Variants in FBXW10B observed in about 807,000 individuals in gnomAD.
FBXW10B encodes F-box and WD repeat domain containing protein 10B.
the FBXW10B span, among the ~76,000 whole-genome samples, chr17:15,612,467 C>T: frequency 1.3e-4 from 20 of 151,944 alleles, no homozygotes; most frequent in South Asian, 1.5e-3. Context: ...TGAGCCAAGA[C>T]TGTGCCACTG....
the FBXW10B span, chr17:15,598,448 T>A: frequency 3.7e-6 from 6 of 1,609,500 alleles, no homozygotes; most frequent in East Asian, 1.4e-4. Flanking sequence ...AGTGCCTGCC[T>A]ATAGAAATGA....
At chr17:15,582,497 T>C in the FBXW10B span, among the ~76,000 whole-genome samples, 1 of 152,114 alleles carries the variant, frequency 6.6e-6, no homozygotes, top group Non-Finnish European at 1.5e-5. Context: ...ATATTCTCTC[T>C]TTATTCCAAA....
chr17:15,602,828 C>T, the FBXW10B span, among the ~76,000 whole-genome samples: 31 of 121,910 alleles, frequency 2.5e-4, 3 homozygotes, highest in Admixed American at 3.9e-4. Context: ...GGGGTTTCAC[C>T]GTGTTAGCCA....
chr17:15,582,135 A>G, the FBXW10B span, among the ~76,000 whole-genome samples: 11 of 149,906 alleles, frequency 7.3e-5, no homozygotes, highest in African/African-American at 2.7e-4. Context: ...TCAAAAATCC[A>G]TCTAGGAATG....
chr17:15,594,877 T>C, the FBXW10B span: 3 of 1,611,328 alleles, frequency 1.9e-6, no homozygotes, highest in East Asian at 2.2e-5. Flanking sequence ...AGCTCCCTCG[T>C]GGCCACTGAG....
the FBXW10B span, among the ~76,000 whole-genome samples, chr17:15,567,028 T>C: frequency 6.6e-6 from 1 of 151,330 alleles, no homozygotes; most frequent in Non-Finnish European, 1.5e-5. Flanking sequence ...TCCCAGCACT[T>C]TGGGAGACCC....
the FBXW10B span, chr17:15,612,617 A>G: frequency 6.3e-7 from 1 of 1,591,796 alleles, no homozygotes; most frequent in East Asian, 2.2e-5. Flanking sequence ...TCCTCACTCC[A>G]GGGCTGAGTC....
the FBXW10B span, among the ~76,000 whole-genome samples, chr17:15,608,051 G>T: frequency 5.3e-5 from 8 of 151,766 alleles, no homozygotes; most frequent in African/African-American, 1.9e-4. Flanking sequence ...CCATTTCACA[G>T]AAGTCGGAAC....
chr17:15,602,628 T>C, the FBXW10B span, among the ~76,000 whole-genome samples: 1 of 90,764 alleles, frequency 1.1e-5, no homozygotes, highest in Non-Finnish European at 2.1e-5. Flanking sequence ...GACCGAGTTT[T>C]TTTTTTTTTT....
At chr17:15,613,786 C>T in the FBXW10B span, 1 of 1,611,070 alleles carries the variant, frequency 6.2e-7, no homozygotes, top group Non-Finnish European at 8.5e-7. Flanking sequence ...CAGAACTGGG[C>T]CAAGAGGGGA....
chr17:15,608,063 T>C, the FBXW10B span, among the ~76,000 whole-genome samples: 4 of 151,756 alleles, frequency 2.6e-5, no homozygotes, highest in African/African-American at 9.7e-5. Context: ...AGTCGGAACG[T>C]CATATGTATA....
At chr17:15,569,102 G>A in the FBXW10B span, 3 of 605,858 alleles carry the variant, frequency 5.0e-6, no homozygotes, top group Non-Finnish European at 4.9e-6. Context: ...ATAAACATGA[G>A]TACAGGTATC....
At chr17:15,618,195 G>C in the FBXW10B span, among the ~76,000 whole-genome samples, 1 of 152,136 alleles carries the variant, frequency 6.6e-6, no homozygotes, top group South Asian at 2.1e-4. Flanking sequence ...GGACATGGTG[G>C]CACGCACCTG....
At chr17:15,616,734 G>A in the FBXW10B span, among the ~76,000 whole-genome samples, 17 of 150,846 alleles carry the variant, frequency 1.1e-4, no homozygotes, top group Admixed American at 7.3e-4. Flanking sequence ...GCGTGAACCC[G>A]GGAGGCGGAG....
chr17:15,581,910 T>C, the FBXW10B span, among the ~76,000 whole-genome samples: 1 of 151,000 alleles, frequency 6.6e-6, no homozygotes, highest in African/African-American at 2.4e-5. Flanking sequence ...CAGCTTAGCC[T>C]TTCTTCTCCT....
At chr17:15,610,561 TC>T in the FBXW10B span, among the ~76,000 whole-genome samples, 2 of 152,188 alleles carry the variant, frequency 1.3e-5, no homozygotes, top group East Asian at 1.9e-4. Flanking sequence ...CAAGAGACTT[TC>T]CCCCCACATC....
the FBXW10B span, among the ~76,000 whole-genome samples, chr17:15,571,268 C>T: frequency 2.0e-5 from 3 of 151,772 alleles, no homozygotes; most frequent in East Asian, 5.8e-4. Context: ...TCACTTGAGC[C>T]CAGGAAGCAG....
the FBXW10B span, among the ~76,000 whole-genome samples, chr17:15,566,716 A>G: frequency 6.6e-6 from 1 of 150,912 alleles, no homozygotes; most frequent in Admixed American, 6.6e-5. Flanking sequence ...GTCCGCCACC[A>G]TGCCCGGCTA....
At chr17:15,569,110 A>G in the FBXW10B span, 7 of 630,588 alleles carry the variant, frequency 1.1e-5, no homozygotes, top group Non-Finnish European at 1.4e-5. Context: ...GAGTACAGGT[A>G]TCTTTTTGAT....
Sources: allele counts gnomAD v4.1 joint callset (sites outside exome capture counted in the v4.1 genomes callset), GRCh38; gene constraint gnomAD v4.1.1; transcripts MANE v1.5; gene names NCBI Gene and HGNC (gene_info 2026-07-23, HGNC 2026-07-21).